Variants in HS3ST6 observed in about 807,000 individuals in gnomAD.
HS3ST6 encodes heparan sulfate glucosamine 3-O-sulfotransferase 6.
A neutral mutation model predicts 11.0 loss-of-function variants in HS3ST6; 13 were observed. The ratio of observed to expected loss-of-function variants is 1.18; its 90% CI spans 0.77 to 1.88. HS3ST6 has a LOEUF of 1.88. Ranked by LOEUF, HS3ST6 falls within the 40% of genes most tolerant of loss-of-function variation. HS3ST6 has a pLI of 0.00. For synonymous variants in HS3ST6, 232 were observed against 230.6 expected (o/e 1.01, Z -0.06); for missense variants, 541 against 494.4 (o/e 1.09, Z -0.89).
At position 1,912,873 on chromosome 16, in the gene HS3ST6, C is replaced by A. The variant is rs183515358; in HGVS notation, c.414-668G>T. On this transcript the variant is annotated intron_variant, in intron 1 of 1. Coordinates refer to ENST00000454677, the MANE Select transcript of HS3ST6 (RefSeq NM_001009606.4). The surrounding 1 kb of genome is among the most constrained non-coding windows in gnomAD (Gnocchi z 5.6). ...GTGGTGCAATCTCGGCTCACTGCAA[C>A]CTCTGCCTCCCGGGTTCAAGCGATT... Among the ~76,000 whole-genome samples the A allele has an allele frequency of 1.4e-3, 220 of 152,254 alleles. No individual in the cohort carries two copies. The highest frequency in any genetic ancestry group is 5.0e-3 in the African/African-American group (208 of 41,548).
At position 1,917,905 on chromosome 16, in the gene HS3ST6, G is replaced by T. The variant is rs1477207818; in HGVS notation, c.413+6C>A. ...CCGGTCAGGGCGGACGGGCCAGGGT[G>T]CTCACCGGTACCAGGCGAGGCCGCG... is the stretch of plus-strand genomic sequence containing the variant. On this transcript the variant is annotated splice_donor_region_variant and intron_variant, in intron 1 of 1. Coordinates refer to ENST00000454677, the MANE Select transcript of HS3ST6 (RefSeq NM_001009606.4). The T allele has an allele frequency of 3.4e-6, 5 of 1,452,004 alleles. No homozygotes were observed. The Admixed American group carries it at 1.2e-4, about 34-fold the overall frequency. 89.9% of individuals were successfully genotyped at this position (1,452,004 alleles called of 1,614,324 possible).
chr16:1,919,928 T>A (rs887887842), upstream of HS3ST6, among the ~76,000 whole-genome samples: 34 of 152,182 alleles, frequency 2.2e-4, no homozygotes, highest in African/African-American at 7.7e-4. Flanking sequence ...TCTTCTGGTC[T>A]AGCTTGAAAC....
upstream of HS3ST6, among the ~76,000 whole-genome samples, chr16:1,920,682 A>AT (rs1418453604): frequency 1.6e-5 from 2 of 127,172 alleles, no homozygotes; most frequent in African/African-American, 5.6e-5. Context: ...TGTGGAATGG[A>AT]CTGGGGACAG....
rs763763117 is a variant in HS3ST6, at chr16:1,911,963, G to A, written c.656C>T (p.Ala219Val). 2.6e-6 allele frequency: 4 copies of A among 1,566,458 alleles called. No individual in the cohort carries two copies. The highest frequency in any genetic ancestry group is 3.5e-6 in the Non-Finnish European group (4 of 1,155,088). The change falls in exon 2 of 2, where the codon GCC (alanine) becomes GTC (valine). Residue 219 changes from alanine to valine, a missense_variant. Transcript: ENST00000454677. Reference protein sequence around the residue: ...FRHGLGPVDTAWSAVRIGLYA... With the variant: ...FRHGLGPVDTVWSAVRIGLYA... The stretch of plus-strand genomic sequence containing the variant: ...CAGGCCGATGCGGACGGCGCTCCAG[G>A]CTGTGTCCACGGGGCCCAGGCCGTG...
At chr16:1,920,208 A>C (rs1333978040), upstream of HS3ST6, among the ~76,000 whole-genome samples, 23 of 66,546 alleles carry the variant, frequency 3.5e-4, no homozygotes, top group African/African-American at 1.2e-3. Context: ...CCACGGTCTC[A>C]GGAGCCCCCA....
Position 1,911,814 on chromosome 16 carries a change from G to C in HS3ST6, c.805C>G (p.Leu269Val). 6.2e-7 allele frequency: 1 copy of C among 1,613,850 alleles called. No homozygotes were observed. The highest frequency in any genetic ancestry group is 1.1e-5 in the South Asian group (1 of 91,080). Residue 269 changes from leucine to valine, a missense_variant, in exon 2 of 2, where the codon CTG becomes GTG. Physicochemically the swap from Leu to Val is conservative, Grantham distance 32. Coordinates refer to ENST00000454677, the MANE Select transcript of HS3ST6 (RefSeq NM_001009606.4). ...EVGRVQDFLG[L>V]KRVVTDKHFY... is the part of the protein sequence containing the mutation. ...TGCTTGTCCGTGACGACCCGTTTCA[G>C]GCCCAGGAAGTCCTGCACGCGGCCG...
upstream of HS3ST6, among the ~76,000 whole-genome samples, chr16:1,919,962 T>C (rs1298615590): frequency 6.6e-6 from 1 of 152,130 alleles, no homozygotes; most frequent in Non-Finnish European, 1.5e-5. Context: ...ACGGGCTGGC[T>C]CGGGGTGGGG....
chr16:1,918,040 A>C lies in HS3ST6; in HGVS notation c.284T>G (p.Ile95Ser). The C allele has an allele frequency of 6.6e-7, 1 of 1,522,376 alleles. No homozygotes were observed. Among genetic ancestry groups the C allele is most frequent in the Non-Finnish European group, 8.8e-7 (1 of 1,142,104 alleles). The allele number at this position is 1,522,376 out of a possible 1,614,324, so 94.3% of individuals were successfully genotyped here. Residue 95 changes from isoleucine (I) to serine (S), a missense_variant, in exon 1 of 2, where the codon ATC (isoleucine) becomes AGC (serine). Ile to Ser is a moderately radical substitution (Grantham distance 142). Transcript: ENST00000454677. This position sits in a 1 kb window ranked among gnomAD's most constrained non-coding sequence, Gnocchi z 6.0. ...PGRRRFPQAL[I>S]VGVKKGGTRA... ...CGTGCCGCCCTTCTTCACGCCAACG[A>C]TGAGCGCTTGCGGGAAGCGCCGGCG...
At position 1,918,252 on chromosome 16, in the gene HS3ST6, A is replaced by G; in HGVS notation, c.72T>C (p.Ala24=). The change falls in exon 1 of 2, where the codon GCT becomes GCC. Residue 24 remains alanine (A), a synonymous_variant. Coordinates refer to ENST00000454677, the MANE Select transcript of HS3ST6 (RefSeq NM_001009606.4). The surrounding 1 kb of genome is among the most constrained non-coding windows in gnomAD (Gnocchi z 6.0). The part of the protein sequence containing the change: ...GQGAGAGQGA[A]LRASRAPMLL... ...GCATCGGCGCGCGGGACGCCCGCAG[A>G]GCGGCCCCTTGCCCGGCCCCTGCGC... The G allele has an allele frequency of 9.9e-7, 1 of 1,010,972 alleles. No individual in the cohort carries two copies. The highest frequency in any genetic ancestry group is 1.2e-6 in the Non-Finnish European group (1 of 847,874). 62.6% of individuals were successfully genotyped at this position (1,010,972 alleles called of 1,614,324 possible). A position where few individuals can be genotyped will look rare whatever the true frequency, so the allele number is the denominator to read the frequency against.
At position 1,914,714 on chromosome 16, in the gene HS3ST6, A is replaced by ACC. The variant is rs532643574; in HGVS notation, c.414-2511_414-2510dup. Among the ~76,000 whole-genome samples, 272 of 151,906 alleles carry ACC rather than the reference A, an allele frequency of 1.8e-3. 1 individual carries two copies. Among genetic ancestry groups the ACC allele is most frequent in the African/African-American group, 6.3e-3 (262 of 41,424 alleles). ...CTCCGTAGGGGGATGGGGTTCCCGGACCCCCTGCCGTGGAAGGGGAGTGGG... is the reference window on the plus strand; with the variant it reads ...CTCCGTAGGGGGATGGGGTTCCCGGACCCCCCCTGCCGTGGAAGGGGAGTGGG... On this transcript the variant is annotated intron_variant, in intron 1 of 1. Transcript: ENST00000454677.
At chr16:1,919,378 C>A (rs1450550489), upstream of HS3ST6, among the ~76,000 whole-genome samples, 1 of 152,238 alleles carries the variant, frequency 6.6e-6, no homozygotes, top group African/African-American at 2.4e-5. Flanking sequence ...AACTTCACAT[C>A]CCCAACGCCC....
intron 1 of HS3ST6, 30 bp downstream of exon 1, chr16:1,917,881 C>G: frequency 2.2e-6 from 3 of 1,345,538 alleles, no homozygotes; most frequent in Non-Finnish European, 2.9e-6. Context: ...AGGAAGGCGC[C>G]GGTCAGGGCG....
intron 1 of HS3ST6, among the ~76,000 whole-genome samples, chr16:1,915,423 C>A (rs963536473): frequency 1.3e-5 from 2 of 152,136 alleles, no homozygotes; most frequent in African/African-American, 4.8e-5. Flanking sequence ...ATACAGGCAC[C>A]CATCACCACG....
At chr16:1,914,427 C>A (rs1475297349) in intron 1 of HS3ST6, among the ~76,000 whole-genome samples, 1 of 152,172 alleles carries the variant, frequency 6.6e-6, no homozygotes, top group Non-Finnish European at 1.5e-5. Flanking sequence ...CAGGCCAGTG[C>A]TGGGAGGGGA....
At chr16:1,913,190 G>A (rs565305264) in intron 1 of HS3ST6, among the ~76,000 whole-genome samples, 1 of 152,366 alleles carries the variant, frequency 6.6e-6, no homozygotes, top group South Asian at 2.1e-4. Flanking sequence ...CACATGTGAG[G>A]AAAGTCGGAG....
chr16:1,919,458 G>A (rs966137959), upstream of HS3ST6, among the ~76,000 whole-genome samples: 3 of 152,204 alleles, frequency 2.0e-5, no homozygotes, highest in Non-Finnish European at 2.9e-5. Flanking sequence ...TGCCCCATCC[G>A]AAGGCAAAGG....
chr16:1,916,479 C>T (rs2082927687), intron 1 of HS3ST6, among the ~76,000 whole-genome samples: 1 of 152,004 alleles, frequency 6.6e-6, no homozygotes, highest in African/African-American at 2.4e-5. Flanking sequence ...CCTTGGCTGC[C>T]TCTCATCCTC....
intron 1 of HS3ST6, among the ~76,000 whole-genome samples, chr16:1,915,588 T>C (rs998481719): frequency 2.0e-5 from 3 of 152,228 alleles, no homozygotes; most frequent in African/African-American, 7.2e-5. Context: ...CCTCTTGCTT[T>C]TCTAAAAGAT....
rs769306450 is a variant in HS3ST6 at position 1,911,680 on chromosome 16, G to A, written c.939C>T (p.Pro313=). Reference sequence around the variant, plus strand: ...CCTGCAGGCGCCGGACCAGGGCCTGGGGCACGCGTGGGTGTGGCCGGCCCT... The same window carrying A: ...CCTGCAGGCGCCGGACCAGGGCCTGAGGCACGCGTGGGTGTGGCCGGCCCT... ...KSKGRPHPRV[P]QALVRRLQEF... Residue 313 remains proline (P), a synonymous_variant, in exon 2 of 2, where the codon CCC becomes CCT. Transcript: ENST00000454677. 4.3e-6 allele frequency: 7 copies of A among 1,611,620 alleles called. No homozygotes were observed. Among genetic ancestry groups the A allele is most frequent in the Non-Finnish European group, 5.9e-6 (7 of 1,178,934 alleles).
Sources: allele counts gnomAD v4.1 joint callset (sites outside exome capture counted in the v4.1 genomes callset), GRCh38; gene constraint gnomAD v4.1.1; non-coding constraint Gnocchi (gnomAD v3.1); transcripts MANE v1.5; gene names NCBI Gene and HGNC (gene_info 2026-07-23, HGNC 2026-07-21).